RABGAP1: variants seen among roughly 807,000 people sequenced by gnomAD.
RABGAP1 encodes rab GTPase-activating protein 1.
In RABGAP1, 23 loss-of-function variants were observed where a neutral mutation model predicts 137.6. The ratio of observed to expected loss-of-function variants is 0.17; its 90% CI spans 0.12 to 0.24. The LOEUF is 0.24. Ranked by LOEUF, RABGAP1 falls within the 10% of genes least tolerant of loss-of-function variation. The pLI is 1.00. For missense variants in RABGAP1, 906 were observed against 1,275.8 expected (o/e 0.71, Z 4.42); for synonymous variants, 451 against 450.7 (o/e 1.00, Z -0.01).
intron 19 of RABGAP1, among the ~76,000 whole-genome samples, chr9:123,083,078 T>A (rs548547602): frequency 6.6e-6 from 1 of 152,318 alleles, no homozygotes; most frequent in South Asian, 2.1e-4. Flanking sequence ...GGGATGTGCA[T>A]ACTGAGACAT....
chr9:122,945,006 T>G (rs2131581830), intron 1 of RABGAP1, among the ~76,000 whole-genome samples: 1 of 152,212 alleles, frequency 6.6e-6, no homozygotes, highest in Middle Eastern at 3.4e-3. Context: ...GAATTTGGCA[T>G]GACATTTTGG....
chr9:123,097,505 C>T (rs1224845969), intron 21 of RABGAP1, among the ~76,000 whole-genome samples: 2 of 152,194 alleles, frequency 1.3e-5, no homozygotes, highest in Non-Finnish European at 2.9e-5. Flanking sequence ...GGCGATGAGT[C>T]CAGGCTGTCT....
intron 14 of RABGAP1, among the ~76,000 whole-genome samples, chr9:123,068,888 A>G (rs774202180): frequency 6.6e-6 from 1 of 152,240 alleles, no homozygotes; most frequent in African/African-American, 2.4e-5. Flanking sequence ...TATTCTAAAC[A>G]TACCCAATTC....
At chr9:123,032,885 A>C (rs749785911) in intron 13 of RABGAP1, among the ~76,000 whole-genome samples, 23 of 152,192 alleles carry the variant, frequency 1.5e-4, no homozygotes, top group Non-Finnish European at 2.5e-4. Flanking sequence ...TGTACCATGA[A>C]ACTTCCTGTA....
At chr9:123,091,820 C>T (rs985999631) in intron 21 of RABGAP1, among the ~76,000 whole-genome samples, 7 of 152,128 alleles carry the variant, frequency 4.6e-5, no homozygotes, top group Non-Finnish European at 1.0e-4. Flanking sequence ...ACAGTCTGCT[C>T]ATCAGGGTTG....
At chr9:122,983,649 T>C (rs1462913474) in intron 2 of RABGAP1, among the ~76,000 whole-genome samples, 1 of 152,218 alleles carries the variant, frequency 6.6e-6, no homozygotes, top group African/African-American at 2.4e-5. Flanking sequence ...GGTTTTAGTC[T>C]TCAGAAAGCC....
Position 122,989,358 on chromosome 9 carries a change from T to C in RABGAP1, c.652T>C (p.Cys218Arg). The C allele has an allele frequency of 6.2e-7, 1 of 1,613,832 alleles. No individual in the cohort carries two copies. The highest frequency in any genetic ancestry group is 2.2e-5 in the East Asian group (1 of 44,860). Residue 218 changes from cysteine (C) to arginine (R), a missense_variant, in exon 5 of 26, where the codon TGT becomes CGT. This residue lies in a region of RABGAP1 where 331 missense variants were observed against 358.3 expected (regional missense o/e 0.92). Coordinates refer to ENST00000373647, the MANE Select transcript of RABGAP1 (RefSeq NM_012197.4). ...CTACCCTATCTACAAAATCCTCTTCTGTGTCAGAGGGCATGATGGAACTCC... is the reference window on the plus strand; with the variant it reads ...CTACCCTATCTACAAAATCCTCTTCCGTGTCAGAGGGCATGATGGAACTCC... ...ANYPIYKILF[C>R]VRGHDGTPES...
In RABGAP1 at chr9:123,103,239, T is replaced by C; in HGVS notation, c.*26T>C. Reference sequence around the variant, plus strand: ...GAGCAGCTGCCGCCTCCCGACACCTTCAGAAAACACGACACCTTTTGTTGC... The same window carrying C: ...GAGCAGCTGCCGCCTCCCGACACCTCCAGAAAACACGACACCTTTTGTTGC... On this transcript the variant is annotated 3_prime_UTR_variant, in exon 26 of 26. Transcript: ENST00000373647. The C allele has an allele frequency of 1.2e-6, 2 of 1,612,148 alleles. No individual in the cohort carries two copies. The highest frequency in any genetic ancestry group is 2.7e-5 in the African/African-American group (2 of 74,902).
At chr9:122,982,030 CAG>C (rs745652299) in intron 2 of RABGAP1, among the ~76,000 whole-genome samples, 9 of 139,514 alleles carry the variant, frequency 6.5e-5, no homozygotes, top group Non-Finnish European at 1.4e-4. Flanking sequence ...GCCTGGGCAA[CAG>C]AGCAAGACTC....
Position 122,942,898 on chromosome 9 carries a change from C to A in RABGAP1, c.-50+1805C>A, listed in dbSNP as rs922443871. 2.0e-5 allele frequency among the ~76,000 whole-genome samples: 3 copies of A among 152,106 alleles called. No homozygotes were observed. The East Asian group carries it at 5.8e-4, about 29-fold the overall frequency. On this transcript the variant is annotated intron_variant, in intron 1 of 25. Transcript: ENST00000373647. ...AGGTGATTCATGCTTGTAATCCCAA[C>A]ACTTTGGGAGTCTGAGGTGGGAGGA...
chr9:123,019,876 G>T (rs2031502671), intron 12 of RABGAP1, among the ~76,000 whole-genome samples: 1 of 151,876 alleles, frequency 6.6e-6, no homozygotes, highest in South Asian at 2.1e-4. Flanking sequence ...TTTAGATGGG[G>T]TTTCACCATG....
chr9:122,934,081 C>CTTTTTTT, the RABGAP1 span, among the ~76,000 whole-genome samples: 1 of 139,684 alleles, frequency 7.2e-6, no homozygotes. Context: ...CTTTTCTTTT[C>CTTTTTTT]TTTTTTTTTT....
chr9:123,033,919 A>C (rs1029939371), intron 13 of RABGAP1, among the ~76,000 whole-genome samples: 5 of 152,194 alleles, frequency 3.3e-5, no homozygotes, highest in African/African-American at 9.7e-5. Context: ...CCCCGTCTCA[A>C]ATGAAAGGAA....
At chr9:123,091,981 C>T (rs547009822) in intron 21 of RABGAP1, among the ~76,000 whole-genome samples, 1 of 152,056 alleles carries the variant, frequency 6.6e-6, no homozygotes, top group South Asian at 2.1e-4. Flanking sequence ...GAAGCAGGGC[C>T]AGAGGTGTGT....
chr9:123,072,088 T>C (rs1201479314), intron 15 of RABGAP1, among the ~76,000 whole-genome samples: 2 of 152,184 alleles, frequency 1.3e-5, no homozygotes, highest in Non-Finnish European at 2.9e-5. Flanking sequence ...GGAAGTGTTG[T>C]GGATTTTGGA....
At chr9:123,095,152 G>A (rs928284148) in intron 21 of RABGAP1, among the ~76,000 whole-genome samples, 8 of 148,850 alleles carry the variant, frequency 5.4e-5, no homozygotes, top group South Asian at 2.1e-4. Flanking sequence ...ACTTGAACCC[G>A]GGAGGCAGGG....
chr9:123,022,704 C>T (rs924066617), intron 13 of RABGAP1, among the ~76,000 whole-genome samples: 4 of 151,954 alleles, frequency 2.6e-5, no homozygotes, highest in African/African-American at 9.7e-5. Flanking sequence ...CGCGCCCGGC[C>T]CCCCAAATTT....
At chr9:122,960,030 C>T (rs774384339) in intron 2 of RABGAP1, among the ~76,000 whole-genome samples, 1 of 152,128 alleles carries the variant, frequency 6.6e-6, no homozygotes, top group Non-Finnish European at 1.5e-5. Context: ...GCTTCATGCA[C>T]GACAGAGTAT....
intron 19 of RABGAP1, among the ~76,000 whole-genome samples, chr9:123,079,973 G>C (rs2034656709): frequency 2.0e-5 from 3 of 152,152 alleles, no homozygotes; most frequent in Admixed American, 2.0e-4. Context: ...AATATCGATT[G>C]AATAAGTGAA....
Sources: allele counts gnomAD v4.1 joint callset (sites outside exome capture counted in the v4.1 genomes callset), GRCh38; gene constraint gnomAD v4.1.1; regional missense constraint gnomAD v4.1.1; transcripts MANE v1.5; gene names NCBI Gene and HGNC (gene_info 2026-07-23, HGNC 2026-07-21).